Variants in ATP8A1 observed in about 807,000 individuals in gnomAD.
ATP8A1 encodes the protein phospholipid-transporting ATPase IA.
Under a neutral mutation model 177.7 loss-of-function variants are expected in ATP8A1, and 90 were observed. The ratio of observed to expected loss-of-function variants is 0.51; its 90% CI spans 0.43 to 0.60. The LOEUF is 0.60. Among genes scored for constraint, ATP8A1 ranks in the 20% least tolerant of loss-of-function variants. ATP8A1 has a pLI of 0.00. For synonymous variants in ATP8A1, 493 were observed against 485.9 expected, an observed-to-expected ratio of 1.01 and a Z score of -0.19; for missense variants, 1,072 against 1,392.8, an observed-to-expected ratio of 0.77 and a Z score of 3.67.
intron 22 of ATP8A1, among the ~76,000 whole-genome samples, chr4:42,509,261 T>G (rs1035647144): frequency 2.0e-5 from 3 of 152,164 alleles, no homozygotes; most frequent in South Asian, 2.1e-4. Context: ...AAGCAAAGTG[T>G]TTTGAAAAGC....
At chr4:42,437,457 T>C (rs1200508051) in intron 33 of ATP8A1, among the ~76,000 whole-genome samples, 2 of 152,120 alleles carry the variant, frequency 1.3e-5, no homozygotes, top group African/African-American at 2.4e-5. Context: ...TCCTCTTAAA[T>C]CACAACCATA....
At chr4:42,651,021 T>C (rs895165339) in intron 1 of ATP8A1, among the ~76,000 whole-genome samples, 1 of 152,142 alleles carries the variant, frequency 6.6e-6, no homozygotes, top group African/African-American at 2.4e-5. Context: ...TGGGGACAGG[T>C]CTTTCCCATG....
intron 33 of ATP8A1, among the ~76,000 whole-genome samples, chr4:42,441,342 ATATG>A (rs1331568535): frequency 6.6e-6 from 1 of 152,116 alleles, no homozygotes; most frequent in African/African-American, 2.4e-5. Context: ...TCACATTTAT[ATATG>A]TATGTATATA....
intron 30 of ATP8A1, among the ~76,000 whole-genome samples, chr4:42,448,828 GTTTTTTTTTTT>G (rs55946444): frequency 1.2e-5 from 1 of 84,232 alleles, no homozygotes. Context: ...TGTACTTTGC[GTTTTTTTTTTT>G]TTTTTTTTTT....
intron 18 of ATP8A1, among the ~76,000 whole-genome samples, chr4:42,550,790 C>T (rs991424448): frequency 1.3e-5 from 2 of 152,122 alleles, no homozygotes; most frequent in African/African-American, 4.8e-5. Flanking sequence ...TTTTCACATG[C>T]TTATTGGCCA....
intron 20 of ATP8A1, among the ~76,000 whole-genome samples, chr4:42,536,781 G>GTT: frequency 6.6e-6 from 1 of 152,204 alleles, no homozygotes; most frequent in Non-Finnish European, 1.5e-5. Flanking sequence ...ATGCAGAGAT[G>GTT]GTTTAACATC....
At position 42,590,892 on chromosome 4, in the gene ATP8A1, T is replaced by C. The variant is rs1457056976; in HGVS notation, c.451-8A>G. On this transcript the variant is annotated splice_polypyrimidine_tract_variant and splice_region_variant and intron_variant, in intron 6 of 36. Transcript: ENST00000381668. ...TATCTCCCCTACTGCCACCTACACG[T>C]CCCAGTATAAAATAATTAAAATGGC... 1.9e-6 allele frequency: 3 copies of C among 1,594,580 alleles called. No homozygotes were observed. The highest frequency in any genetic ancestry group is 2.6e-6 in the Non-Finnish European group (3 of 1,172,736).
intron 25 of ATP8A1, among the ~76,000 whole-genome samples, chr4:42,473,995 C>G (rs1720776744): frequency 6.6e-6 from 1 of 152,168 alleles, no homozygotes. Flanking sequence ...TTGCTCTTCT[C>G]TGCCTCATGA....
At chr4:42,610,294 T>A (rs1212082740) in intron 5 of ATP8A1, among the ~76,000 whole-genome samples, 1 of 152,086 alleles carries the variant, frequency 6.6e-6, no homozygotes, top group African/African-American at 2.4e-5. Context: ...AGATGTTCAA[T>A]AAAGACTTTC....
intron 33 of ATP8A1, among the ~76,000 whole-genome samples, chr4:42,440,746 C>T (rs1032793359): frequency 2.0e-5 from 3 of 152,092 alleles, no homozygotes; most frequent in African/African-American, 7.2e-5. Flanking sequence ...TTATAGAGCT[C>T]CTCTATTCAG....
At chr4:42,448,828 GTTTTTTTTT>G (rs55946444) in intron 30 of ATP8A1, among the ~76,000 whole-genome samples, 1 of 84,230 alleles carries the variant, frequency 1.2e-5, no homozygotes, top group East Asian at 4.6e-4. Context: ...TGTACTTTGC[GTTTTTTTTT>G]TTTTTTTTTT....
rs144362373 is a variant in ATP8A1, at chr4:42,510,471, G to A, written c.1948-3317C>T. 3.9e-5 allele frequency among the ~76,000 whole-genome samples: 6 copies of A among 152,044 alleles called. No homozygotes were observed. The East Asian group carries it at 1.2e-3, about 29-fold the overall frequency. On this transcript the variant is annotated intron_variant, in intron 22 of 36. Transcript: ENST00000381668. ...AAATCATTCTGGCTCACATCCCAGT[G>A]AAGATCAGGATATAGCTGTGTTCAA...
At chr4:42,506,137 C>G (rs1724343348) in intron 23 of ATP8A1, among the ~76,000 whole-genome samples, 1 of 152,088 alleles carries the variant, frequency 6.6e-6, no homozygotes, top group Non-Finnish European at 1.5e-5. Flanking sequence ...AAGGGTGAGG[C>G]CTGCTATGGT....
intron 27 of ATP8A1, among the ~76,000 whole-genome samples, chr4:42,457,543 G>A (rs1012030219): frequency 2.6e-5 from 4 of 152,192 alleles, no homozygotes; most frequent in Admixed American, 6.5e-5. Flanking sequence ...AAGCCGAAGC[G>A]CTCTGCATAC....
intron 1 of ATP8A1, among the ~76,000 whole-genome samples, chr4:42,651,420 T>C (rs543054174): frequency 3.9e-5 from 6 of 152,292 alleles, no homozygotes; most frequent in African/African-American, 1.4e-4. Flanking sequence ...TAGAGACTTG[T>C]TGAATGGCTT....
intron 15 of ATP8A1, among the ~76,000 whole-genome samples, 179 bp downstream of exon 15, chr4:42,568,982 A>G (rs1023818703): frequency 1.3e-5 from 2 of 152,198 alleles, no homozygotes; most frequent in African/African-American, 4.8e-5. Flanking sequence ...ATCAAAAATC[A>G]GGAATATTCA....
chr4:42,551,615 A>G (rs1729511947), intron 17 of ATP8A1, among the ~76,000 whole-genome samples: 1 of 152,320 alleles, frequency 6.6e-6, no homozygotes, highest in African/African-American at 2.4e-5. Context: ...ATCAGAGAAA[A>G]TTGCCTTCTA....
Position 42,503,410 on chromosome 4 carries a change from T to C in ATP8A1, c.2151+40A>G, listed in dbSNP as rs1578063946. ...AATATAAAATACTATAGCATGAATA[T>C]ATTATTAAAGGAGTTTTAAAAATAC... On this transcript the variant is annotated intron_variant, in intron 24 of 36. Coordinates refer to ENST00000381668, the MANE Select transcript of ATP8A1 (RefSeq NM_006095.2). 32 of 1,173,706 alleles carry C rather than the reference T, an allele frequency of 2.7e-5. No individual in the cohort carries two copies. The East Asian group carries it at 7.5e-4, about 28-fold the overall frequency. The allele number at this position is 1,173,706 out of a possible 1,614,324, so 72.7% of individuals were successfully genotyped here.
chr4:42,457,832 G>A (rs1370510183), intron 27 of ATP8A1, among the ~76,000 whole-genome samples: 1 of 152,112 alleles, frequency 6.6e-6, no homozygotes, highest in African/African-American at 2.4e-5. Flanking sequence ...TGTTTCCAAA[G>A]TGTATTTTAA....
Sources: allele counts gnomAD v4.1 joint callset (sites outside exome capture counted in the v4.1 genomes callset), GRCh38; gene constraint gnomAD v4.1.1; transcripts MANE v1.5; gene names NCBI Gene and HGNC (gene_info 2026-07-23, HGNC 2026-07-21).